Variants in NAA25 observed in about 807,000 individuals in gnomAD.
NAA25 encodes N-terminal acetyltransferase B complex subunit NAA25.
A neutral mutation model predicts 132.5 loss-of-function variants in NAA25; 30 were observed. That is an observed-to-expected ratio of 0.23 (90% CI 0.17 to 0.31). NAA25 has a LOEUF of 0.31. Among genes scored for constraint, NAA25 ranks in the 10% least tolerant of loss-of-function variants. The pLI is 1.00. For synonymous variants in NAA25, 359 were observed against 401.9 expected, an observed-to-expected ratio of 0.89 and a Z score of 1.28; for missense variants, 771 against 1,150.4, an observed-to-expected ratio of 0.67 and a Z score of 4.77.
At chr12:112,083,503 G>A (rs562918042) in intron 4 of NAA25, among the ~76,000 whole-genome samples, 27 of 151,688 alleles carry the variant, frequency 1.8e-4, no homozygotes, top group Non-Finnish European at 3.5e-4. Flanking sequence ...CTCCAGCCTG[G>A]GCGACAAGAG....
chr12:112,041,518 A>C lies in NAA25; in HGVS notation c.2440+521T>G, dbSNP rs118061677. 8.5e-5 allele frequency among the ~76,000 whole-genome samples: 13 copies of C among 152,252 alleles called. No homozygotes were observed. In the East Asian group the frequency reaches 2.5e-3, roughly 29 times the overall value. ...AGACTCTTATAGATACAAGATGCATATATGTGCCCTTTAACAATTCTATTA... is the reference window on the plus strand; with the variant it reads ...AGACTCTTATAGATACAAGATGCATCTATGTGCCCTTTAACAATTCTATTA... On this transcript the variant is annotated intron_variant, in intron 20 of 23. Transcript: ENST00000261745.
At chr12:112,041,411 A>G (rs1262587148) in intron 20 of NAA25, among the ~76,000 whole-genome samples, 1 of 151,888 alleles carries the variant, frequency 6.6e-6, no homozygotes, top group Admixed American at 6.6e-5. Flanking sequence ...GATGGTCTCA[A>G]TCTCCTGACC....
intron 19 of NAA25, among the ~76,000 whole-genome samples, 156 bp downstream of exon 19, chr12:112,042,932 C>T (rs1210929568): frequency 1.3e-5 from 2 of 152,212 alleles, no homozygotes; most frequent in African/African-American, 2.4e-5. Context: ...TTGTAACCTA[C>T]GACTGTACCC....
intron 20 of NAA25, among the ~76,000 whole-genome samples, chr12:112,040,947 G>C (rs2078292368): frequency 1.3e-5 from 2 of 152,108 alleles, no homozygotes; most frequent in Non-Finnish European, 2.9e-5. Flanking sequence ...TTGTAGAAAT[G>C]CATCTTCATA....
At chr12:112,033,580 ATAGAT>A (rs2078180221) in intron 22 of NAA25, 2 of 363,328 alleles carry the variant, frequency 5.5e-6, no homozygotes, top group Middle Eastern at 7.5e-4. Flanking sequence ...TAAATTTCCG[ATAGAT>A]TAAATACTTA....
In NAA25 at chr12:112,043,880, A is replaced by G; in HGVS notation, c.2007-12T>C. 1.2e-6 allele frequency: 2 copies of G among 1,606,384 alleles called. No homozygotes were observed. The highest frequency in any genetic ancestry group is 1.7e-6 in the Non-Finnish European group (2 of 1,174,598). ...CTTCAGAAACGTCCCTTAAACAGAA[A>G]CATCCCCAAATTATCTAACTTATTC... On this transcript the variant is annotated splice_polypyrimidine_tract_variant and intron_variant, in intron 17 of 23. Coordinates refer to ENST00000261745, the MANE Select transcript of NAA25 (RefSeq NM_024953.4).
At chr12:112,078,428 C>CA (rs1260783204) in intron 6 of NAA25, among the ~76,000 whole-genome samples, 162 bp from the exon 7 acceptor site, 4 of 152,176 alleles carry the variant, frequency 2.6e-5, no homozygotes, top group African/African-American at 9.7e-5. Context: ...CTATATCTCT[C>CA]CCGTCTATAC....
chr12:112,040,533 C>T lies in NAA25; in HGVS notation c.2486G>A (p.Gly829Asp). 2 of 1,605,942 alleles carry T rather than the reference C, an allele frequency of 1.2e-6. No individual in the cohort carries two copies. ...CKGDLLEVKD[G>D]NLKTHPTLLE... ...AAGAGTAGGATGTGTTTTCAAGTTA[C>T]CATCTTTAACTTCTAAGAGGTCACC... is the stretch of plus-strand genomic sequence containing the variant. The change falls in exon 21 of 24, where the codon GGT becomes GAT. Residue 829 changes from glycine to aspartate, a missense_variant. Around this residue, in one of 3 missense-constraint regions of NAA25, gnomAD observed 324 missense variants for 400.0 expected, o/e 0.81. Transcript: ENST00000261745.
At chr12:112,050,484 A>G (rs1381952946) in intron 15 of NAA25, among the ~76,000 whole-genome samples, 1 of 151,856 alleles carries the variant, frequency 6.6e-6, no homozygotes, top group Admixed American at 6.6e-5. Flanking sequence ...ACCTTTGTGA[A>G]TACCTAGAGA....
intron 11 of NAA25, among the ~76,000 whole-genome samples, chr12:112,061,771 A>T (rs546733606): frequency 1.4e-4 from 21 of 151,864 alleles, no homozygotes; most frequent in South Asian, 1.0e-3. Flanking sequence ...CCAAAAAATT[A>T]AAAAAAAATT....
chr12:112,029,759 A>AGAACAC, intron 23 of NAA25, 106 bp from the exon 24 acceptor site: 1 of 1,473,826 alleles, frequency 6.8e-7, no homozygotes, highest in South Asian at 1.3e-5. Flanking sequence ...GTCTCATTGC[A>AGAACAC]AGCTCCATCA....
intron 8 of NAA25, 39 bp downstream of exon 8, chr12:112,075,639 C>T (rs1359464886): frequency 5.2e-6 from 8 of 1,527,336 alleles, no homozygotes; most frequent in Admixed American, 3.4e-5. Context: ...CTTAAAGCCT[C>T]ACTACAGTCA....
chr12:112,072,149 G>C, intron 9 of NAA25, 85 bp from the exon 10 acceptor site: 10 of 775,466 alleles, frequency 1.3e-5, no homozygotes, highest in East Asian at 3.8e-5. Flanking sequence ...CATTTAAAAA[G>C]AGAAAAACGA....
chr12:112,099,389 TTTTA>T (rs1304278620), intron 1 of NAA25, among the ~76,000 whole-genome samples: 1 of 152,068 alleles, frequency 6.6e-6, no homozygotes, highest in Admixed American at 6.6e-5. Context: ...ACTTTTACAG[TTTTA>T]TTTTCCTACA....
chr12:112,033,192 G>T (rs1442744222), intron 23 of NAA25, 41 bp downstream of exon 23: 1 of 1,556,206 alleles, frequency 6.4e-7, no homozygotes. Context: ...GAGTGTTTGT[G>T]TGTGTGTAGA....
intron 15 of NAA25, among the ~76,000 whole-genome samples, chr12:112,050,985 A>G (rs1438192113): frequency 6.6e-6 from 1 of 152,178 alleles, no homozygotes; most frequent in Non-Finnish European, 1.5e-5. Flanking sequence ...CCCAAGGAAA[A>G]AGCATCCGGG....
chr12:112,076,578 T>C (rs2078898586), intron 7 of NAA25, among the ~76,000 whole-genome samples: 1 of 152,148 alleles, frequency 6.6e-6, no homozygotes, highest in Non-Finnish European at 1.5e-5. Flanking sequence ...ACTAGGATGA[T>C]AGTTCTGACC....
chr12:112,066,189 A>G (rs536234763), intron 11 of NAA25, among the ~76,000 whole-genome samples: 2 of 152,348 alleles, frequency 1.3e-5, no homozygotes, highest in East Asian at 3.9e-4. Context: ...GATTCATGGT[A>G]GCAAACCTTC....
At chr12:112,048,049 G>A (rs2078412941) in intron 16 of NAA25, among the ~76,000 whole-genome samples, 4 of 152,122 alleles carry the variant, frequency 2.6e-5, no homozygotes, top group Non-Finnish European at 5.9e-5. Flanking sequence ...ACCTTCGTAA[G>A]CACAATATGG....
Sources: allele counts gnomAD v4.1 joint callset (sites outside exome capture counted in the v4.1 genomes callset), GRCh38; gene constraint gnomAD v4.1.1; regional missense constraint gnomAD v4.1.1; transcripts MANE v1.5; gene names NCBI Gene and HGNC (gene_info 2026-07-23, HGNC 2026-07-21).